The following HP1BP3 variants were observed in gnomAD, a reference collection of about 807,000 sequenced individuals.
HP1BP3 encodes heterochromatin protein 1 binding protein 3.
In HP1BP3, 12 loss-of-function variants were observed where a neutral mutation model predicts 62.5. The observed-to-expected ratio is 0.19, with a 90% CI of 0.12 to 0.31. The LOEUF is 0.31. HP1BP3 is among the 10% of genes least tolerant of loss of function. The probability of loss-of-function intolerance (pLI) is 1.00; values close to 1 mark genes in which losing one functional copy is unlikely to be tolerated. For missense variants in HP1BP3, 502 were observed against 651.8 expected, an observed-to-expected ratio of 0.77 and a Z score of 2.50; for synonymous variants, 260 against 237.8, an observed-to-expected ratio of 1.09 and a Z score of -0.86.
chr1:20,757,367 TTATTA>T lies in HP1BP3; in HGVS notation c.891-116_891-112del, dbSNP rs1044177152. 4 of 407,386 alleles carry T rather than the reference TTATTA, an allele frequency of 9.8e-6. No individual in the cohort carries two copies. The African/African-American group carries it at 1.0e-4, about 10-fold the overall frequency. The allele number at this position is 407,386 out of a possible 1,614,324, so 25.2% of individuals were successfully genotyped here. On this transcript the variant is annotated intron_variant, in intron 8 of 12. Coordinates refer to ENST00000438032, the MANE Select transcript of HP1BP3 (RefSeq NM_001372052.1). ...TCTAGAGTTCTGATTACTATTATTA[TTATTA>T]TTTTTTTTTTTTTTTTGAGGTGGAG...
intron 9 of HP1BP3, among the ~76,000 whole-genome samples, chr1:20,750,818 T>C (rs1036095672): frequency 9.9e-5 from 14 of 141,524 alleles, no homozygotes; most frequent in South Asian, 2.3e-4. Flanking sequence ...TTTTCTCTCT[T>C]TTTTTTTTTT....
At chr1:20,780,701 A>G (rs1338317635) in intron 1 of HP1BP3, among the ~76,000 whole-genome samples, 161 bp from the exon 2 acceptor site, 2 of 152,232 alleles carry the variant, frequency 1.3e-5, no homozygotes, top group Admixed American at 6.5e-5. Flanking sequence ...ACCAAAATAT[A>G]GACTACATAA....
At chr1:20,765,814 T>C (rs1164217546) in intron 7 of HP1BP3, among the ~76,000 whole-genome samples, 2 of 150,752 alleles carry the variant, frequency 1.3e-5, no homozygotes, top group Non-Finnish European at 3.0e-5. Flanking sequence ...CTACTAAAAA[T>C]ACAAAAATTA....
In HP1BP3 at chr1:20,743,934, TGGTACACACCTGTAATCCCAGCTACTC is replaced by T. The variant is rs2055162831; in HGVS notation, c.*836_*862del. On this transcript the variant is annotated 3_prime_UTR_variant, in exon 13 of 13. Transcript: ENST00000438032. Reference sequence around the variant, plus strand: ...AATACAAAAAAATTGCCAGGCGTGGTGGTACACACCTGTAATCCCAGCTACTCGGGAGGCTGAAGCAGGAGAATTGCT... The same window carrying T: ...AATACAAAAAAATTGCCAGGCGTGGTGGGAGGCTGAAGCAGGAGAATTGCT... 1 of 152,010 alleles carries T rather than the reference TGGTACACACCTGTAATCCCAGCTACTC, an allele frequency of 6.6e-6. No individual in the cohort carries two copies. The highest frequency in any genetic ancestry group is 2.1e-4 in the South Asian group (1 of 4,814). The allele number at this position is 152,010 out of a possible 1,614,324, so 9.4% of individuals were successfully genotyped here. A position where few individuals can be genotyped will look rare whatever the true frequency, so the allele number is the denominator to read the frequency against.
Position 20,780,386 on chromosome 1 carries a change from T to C in HP1BP3, c.55A>G (p.Ile19Val), listed in dbSNP as rs373334643. ...ELVHPKALPLIVGAQLIHADK... is the reference protein window; with the variant it reads ...ELVHPKALPLVVGAQLIHADK... ...GCGTGGATCAGCTGAGCTCCTACTA[T>C]AAGTGGGAGTGCCTTAGGATGGACG... The change falls in exon 2 of 13, where the codon ATA becomes GTA. Residue 19 changes from isoleucine (I) to valine (V), a missense_variant. This residue lies in a region of HP1BP3 where 165 missense variants were observed against 156.4 expected (regional missense o/e 1.05). Transcript: ENST00000438032. 8.7e-6 allele frequency: 14 copies of C among 1,613,666 alleles called. No homozygotes were observed. The highest frequency in any genetic ancestry group is 1.0e-5 in the Non-Finnish European group (12 of 1,179,632).
chr1:20,772,546 A>T (rs1462579086), intron 5 of HP1BP3, among the ~76,000 whole-genome samples: 1 of 152,106 alleles, frequency 6.6e-6, no homozygotes, highest in South Asian at 2.1e-4. Context: ...TAAAGGGAGA[A>T]GTCTGAAGGC....
At chr1:20,768,374 A>G (rs2056890362) in intron 6 of HP1BP3, among the ~76,000 whole-genome samples, 1 of 152,116 alleles carries the variant, frequency 6.6e-6, no homozygotes, top group African/African-American at 2.4e-5. Context: ...TGAACCCAGG[A>G]GGCAGAGCTT....
chr1:20,744,656 T>C lies in HP1BP3; in HGVS notation c.*141A>G. ...TAAAGCTAGCAAATGCCTAAACTGG[T>C]TTATTTAGAGTCCCTCCCCACAATG... On this transcript the variant is annotated 3_prime_UTR_variant, in exon 13 of 13. Transcript: ENST00000438032. The C allele has an allele frequency of 1.3e-6, 1 of 774,724 alleles. No individual in the cohort carries two copies. Among genetic ancestry groups the C allele is most frequent in the Non-Finnish European group, 2.0e-6 (1 of 494,344 alleles). 48.0% of individuals were successfully genotyped at this position (774,724 alleles called of 1,614,324 possible).
intron 11 of HP1BP3, among the ~76,000 whole-genome samples, chr1:20,746,190 G>A (rs201871984): frequency 0.15 from 9,263 of 63,174 alleles, 445 homozygotes; most frequent in South Asian, 0.31. Flanking sequence ...ACATATATGT[G>A]TGTGTGTGTG....
In HP1BP3 at chr1:20,746,186, ATGTGTGTGTGTGTG is replaced by A. The variant is rs35710978; in HGVS notation, c.1254-544_1254-531del. Among the ~76,000 whole-genome samples, 687 of 143,248 alleles carry A rather than the reference ATGTGTGTGTGTGTG, an allele frequency of 4.8e-3. 4 individuals carry two copies. Among genetic ancestry groups the A allele is most frequent in the African/African-American group, 0.016 (600 of 37,152 alleles). 94.0% of individuals were successfully genotyped at this position (143,248 alleles called of 152,430 possible). On this transcript the variant is annotated intron_variant, in intron 11 of 12. Transcript: ENST00000438032. ...CTTAAATGATAACATACATACATAT[ATGTGTGTGTGTGTG>A]TGTGTGTGTGTGTGTGTGTGTGTGT...
At chr1:20,784,145 T>A (rs1183749976) in intron 1 of HP1BP3, among the ~76,000 whole-genome samples, 2 of 152,062 alleles carry the variant, frequency 1.3e-5, no homozygotes, top group Non-Finnish European at 2.9e-5. Context: ...AATTTTTCTC[T>A]TTTTTGTATC....
chr1:20,748,692 G>A (rs928207424), intron 10 of HP1BP3, among the ~76,000 whole-genome samples: 1 of 152,126 alleles, frequency 6.6e-6, no homozygotes, highest in Non-Finnish European at 1.5e-5. Flanking sequence ...CCCAGGGGAG[G>A]CGGAGCTTGC....
intron 1 of HP1BP3, among the ~76,000 whole-genome samples, chr1:20,780,948 T>C (rs1349995170): frequency 1.3e-5 from 2 of 152,166 alleles, no homozygotes; most frequent in African/African-American, 4.8e-5. Context: ...ACTGTAATCT[T>C]AAACTCTATC....
intron 9 of HP1BP3, among the ~76,000 whole-genome samples, chr1:20,755,844 G>A (rs756808053): frequency 6.6e-6 from 1 of 152,194 alleles, no homozygotes; most frequent in Non-Finnish European, 1.5e-5. Flanking sequence ...ATGCTGCAAC[G>A]TGGATAAAAT....
chr1:20,759,256 C>G (rs112855197), intron 8 of HP1BP3, among the ~76,000 whole-genome samples: 179 of 152,220 alleles, frequency 1.2e-3, no homozygotes, highest in African/African-American at 4.2e-3. Context: ...CAAAATTAGT[C>G]AGGTGTGGTG....
intron 8 of HP1BP3, among the ~76,000 whole-genome samples, chr1:20,761,550 T>C (rs1482048664): frequency 1.7e-5 from 1 of 57,994 alleles, no homozygotes; most frequent in African/African-American, 5.9e-5. Context: ...CATTAAATGT[T>C]TTCAACATTT....
chr1:20,785,090 T>C (rs1287916301), intron 1 of HP1BP3, among the ~76,000 whole-genome samples: 1 of 152,112 alleles, frequency 6.6e-6, no homozygotes, highest in Non-Finnish European at 1.5e-5. Flanking sequence ...AGCCGGATAG[T>C]TTTTGTATTT....
At chr1:20,747,925 C>T (rs1347690392) in intron 10 of HP1BP3, among the ~76,000 whole-genome samples, 1 of 152,078 alleles carries the variant, frequency 6.6e-6, no homozygotes, top group Non-Finnish European at 1.5e-5. Context: ...CTATGTTGCC[C>T]AGGCTGGTCT....
Position 20,767,595 on chromosome 1 carries a change from T to C in HP1BP3, c.724A>G (p.Arg242Gly). ...TATAGATGTCTTACCTTTCTGTTTCTGGATTTCTGAGGTGTTTTTCTTGAT... is the reference window on the plus strand; with the variant it reads ...TATAGATGTCTTACCTTTCTGTTTCCGGATTTCTGAGGTGTTTTTCTTGAT... The part of the protein sequence containing the change: ...QKSRKTPQKS[R>G]NRKNRSSAVD... Residue 242 changes from arginine to glycine, a missense_variant, in exon 7 of 13, where the codon AGA becomes GGA. Physicochemically the swap from Arg to Gly is moderately radical, Grantham distance 125 (BLOSUM62 -2). Coordinates refer to ENST00000438032, the MANE Select transcript of HP1BP3 (RefSeq NM_001372052.1). The C allele has an allele frequency of 6.2e-7, 1 of 1,607,840 alleles. No homozygotes were observed. Among genetic ancestry groups the C allele is most frequent in the Non-Finnish European group, 8.5e-7 (1 of 1,176,114 alleles).
Sources: allele counts gnomAD v4.1 joint callset (sites outside exome capture counted in the v4.1 genomes callset), GRCh38; gene constraint gnomAD v4.1.1; regional missense constraint gnomAD v4.1.1; transcripts MANE v1.5; gene names NCBI Gene and HGNC (gene_info 2026-07-23, HGNC 2026-07-21).